The following ZNF385D variants were observed in gnomAD, a reference collection of about 807,000 sequenced individuals.
ZNF385D encodes zinc finger protein 385D, also known as zinc finger protein 659.
Under a neutral mutation model 35.8 loss-of-function variants are expected in ZNF385D, and 15 were observed. The observed-to-expected ratio is 0.42, with a 90% CI of 0.28 to 0.64. The LOEUF (loss-of-function observed/expected upper bound fraction) is 0.64, where lower values mean the gene tolerates loss of function less well. ZNF385D is among the 30% of genes least tolerant of loss of function. The pLI, the probability that ZNF385D is intolerant of heterozygous loss-of-function variation, is 0.23. For synonymous variants in ZNF385D, 212 were observed against 186.8 expected, an observed-to-expected ratio of 1.13 and a Z score of -1.10; for missense variants, 474 against 494.6, an observed-to-expected ratio of 0.96 and a Z score of 0.39.
chr3:21,768,810 C>A (rs1004547872), intron 3 of ZNF385D, among the ~76,000 whole-genome samples: 7 of 151,902 alleles, frequency 4.6e-5, no homozygotes, highest in African/African-American at 1.7e-4. Flanking sequence ...GACGAACGCC[C>A]CATCCCCAGT....
intron 2 of ZNF385D, among the ~76,000 whole-genome samples, chr3:22,266,901 G>T (rs749536622): frequency 7.9e-5 from 12 of 151,830 alleles, no homozygotes; most frequent in Non-Finnish European, 1.5e-4. Flanking sequence ...CATTCATAAA[G>T]CCAAGGAAAA....
rs1437309879 is a variant in ZNF385D, at chr3:21,988,700, G to C, written c.325+180117C>G. Reference sequence around the variant, plus strand: ...CTTGAGCTGTGGTGGGCTCCACCCAGTTGGAGCTTCCTGGCTGCTTTGTTT... The same window carrying C: ...CTTGAGCTGTGGTGGGCTCCACCCACTTGGAGCTTCCTGGCTGCTTTGTTT... On this transcript the variant is annotated intron_variant, in intron 3 of 5. Coordinates refer to the ZNF385D transcript ENST00000494108. Among the ~76,000 whole-genome samples the C allele has an allele frequency of 1.5e-4, 23 of 151,668 alleles. 1 individual carries two copies. The highest frequency in any genetic ancestry group is 4.6e-4 in the African/African-American group (19 of 41,516).
intron 2 of ZNF385D, among the ~76,000 whole-genome samples, chr3:22,177,430 A>G (rs577275412): frequency 1.3e-5 from 2 of 152,316 alleles, no homozygotes; most frequent in South Asian, 2.1e-4. Context: ...CCTACAAGTT[A>G]TTAAAAAGTC....
chr3:21,899,719 T>A (rs1183654079), intron 3 of ZNF385D, among the ~76,000 whole-genome samples: 1 of 152,182 alleles, frequency 6.6e-6, no homozygotes, highest in Non-Finnish European at 1.5e-5. Flanking sequence ...GGTGCCTTTA[T>A]GTTTGCTTTA....
In ZNF385D at chr3:21,975,702, A is replaced by AATATATATATAT. The variant is rs56303677; in HGVS notation, c.325+193103_325+193114dup. On this transcript the variant is annotated intron_variant, in intron 3 of 5. Transcript: ENST00000494108. ...ATATATACCTATTATGTACCCACGA[A>AATATATATATAT]ATATATATATATATATATATATATA... Among the ~76,000 whole-genome samples the AATATATATATAT allele has an allele frequency of 7.8e-4, 97 of 123,982 alleles. 1 individual carries two copies. The highest frequency in any genetic ancestry group is 1.3e-3 in the Non-Finnish European group (76 of 59,780). 81.3% of individuals were successfully genotyped at this position (123,982 alleles called of 152,430 possible). A position where few individuals can be genotyped will look rare whatever the true frequency, so the allele number is the denominator to read the frequency against.
At chr3:22,109,825 A>G (rs952497256) in intron 3 of ZNF385D, among the ~76,000 whole-genome samples, 1 of 152,218 alleles carries the variant, frequency 6.6e-6, no homozygotes. Context: ...AGAAACTGCC[A>G]TCAGAGTGAA....
chr3:22,201,444 G>A lies in ZNF385D; in HGVS notation c.107-32409C>T, dbSNP rs1025554540. On this transcript the variant is annotated intron_variant, in intron 2 of 5. Transcript: ENST00000494108. ...AATATGTTTACATATACATGTAGAA[G>A]AAAGCTCTAAGTCTTTTATACGTCG... Among the ~76,000 whole-genome samples, 7 of 152,218 alleles carry A rather than the reference G, an allele frequency of 4.6e-5. No homozygotes were observed. The East Asian group carries it at 1.4e-3, about 29-fold the overall frequency.
At chr3:21,577,741 T>G (rs781095228) in intron 2 of ZNF385D, among the ~76,000 whole-genome samples, 1 of 152,144 alleles carries the variant, frequency 6.6e-6, no homozygotes, top group Non-Finnish European at 1.5e-5. Flanking sequence ...TGGCTTTGAT[T>G]TGCATTTCGT....
intron 1 of ZNF385D, among the ~76,000 whole-genome samples, chr3:21,668,689 A>G (rs538908535): frequency 5.9e-5 from 9 of 152,220 alleles, no homozygotes; most frequent in Non-Finnish European, 8.8e-5. Context: ...TAGTCCTAAA[A>G]TATTTTACTT....
intron 3 of ZNF385D, among the ~76,000 whole-genome samples, chr3:21,814,172 C>T (rs1049007308): frequency 6.6e-6 from 1 of 152,166 alleles, no homozygotes; most frequent in African/African-American, 2.4e-5. Context: ...CACCAACAGG[C>T]CTGTCTTGCA....
chr3:22,371,762 G>A (rs1696916867), intron 2 of ZNF385D, among the ~76,000 whole-genome samples: 1 of 152,138 alleles, frequency 6.6e-6, no homozygotes, highest in Non-Finnish European at 1.5e-5. Context: ...GCACTAGCTG[G>A]CCAAGAAGAC....
chr3:22,268,705 A>G (rs1403125726), intron 2 of ZNF385D, among the ~76,000 whole-genome samples: 2 of 152,228 alleles, frequency 1.3e-5, no homozygotes, highest in African/African-American at 4.8e-5. Flanking sequence ...TTAATCTATC[A>G]AAAAGCTATT....
At chr3:21,456,735 T>TA (rs1360750203) in intron 4 of ZNF385D, among the ~76,000 whole-genome samples, 1 of 126,774 alleles carries the variant, frequency 7.9e-6, no homozygotes, top group Non-Finnish European at 1.6e-5. Flanking sequence ...TAAAGTATAA[T>TA]AAAAAATAAA....
intron 1 of ZNF385D, among the ~76,000 whole-genome samples, chr3:21,745,905 G>A (rs1326227590): frequency 6.6e-6 from 1 of 152,110 alleles, no homozygotes; most frequent in Non-Finnish European, 1.5e-5. Context: ...AGCCAGCTGT[G>A]CTTAAAAAGT....
At chr3:22,194,894 C>T (rs1696305138) in intron 2 of ZNF385D, among the ~76,000 whole-genome samples, 1 of 151,820 alleles carries the variant, frequency 6.6e-6, no homozygotes, top group South Asian at 2.1e-4. Flanking sequence ...TTCATTCACC[C>T]CTTGAAGGAC....
At position 21,646,819 on chromosome 3, in the gene ZNF385D, A is replaced by G. The variant is rs947387002; in HGVS notation, c.165+18067T>C. Among the ~76,000 whole-genome samples, 4 of 152,166 alleles carry G rather than the reference A, an allele frequency of 2.6e-5. No homozygotes were observed. Among genetic ancestry groups the G allele is most frequent in the Admixed American group, 2.6e-4 (4 of 15,266 alleles). On this transcript the variant is annotated intron_variant, in intron 2 of 7. Coordinates refer to ENST00000281523, the MANE Select transcript of ZNF385D (RefSeq NM_024697.3). This position sits in a 1 kb window ranked among gnomAD's most constrained non-coding sequence, Gnocchi z 4.3. ...TACATTCGGTCACAAATAGAAAGCA[A>G]TGTTAAGTCCTGGGTTGCTACCTGT...
At chr3:22,213,989 C>T (rs1008181036) in intron 2 of ZNF385D, among the ~76,000 whole-genome samples, 3 of 151,952 alleles carry the variant, frequency 2.0e-5, no homozygotes, top group East Asian at 3.9e-4. Context: ...ACATGGGGTA[C>T]ATTTGCCATA....
rs57448532 is a variant in ZNF385D, at chr3:22,143,059, T to TTGTGTGTGTG, written c.325+25748_325+25757dup. Among the ~76,000 whole-genome samples, 1,227 of 140,936 alleles carry TTGTGTGTGTG rather than the reference T, an allele frequency of 8.7e-3. 21 individuals are homozygous for TTGTGTGTGTG. The highest frequency in any genetic ancestry group is 0.025 in the African/African-American group (907 of 36,800). 92.5% of individuals were successfully genotyped at this position (140,936 alleles called of 152,430 possible). ...CATTTGATATATTCTATTAAATCGG[T>TTGTGTGTGTG]TGTGTGTGTGTGTGTGTGTGTGTGT... On this transcript the variant is annotated intron_variant, in intron 3 of 5. Transcript: ENST00000494108.
intron 3 of ZNF385D, among the ~76,000 whole-genome samples, chr3:21,936,699 AGATGAATAAATAAAT>A (rs1701277182): frequency 1.3e-5 from 2 of 152,166 alleles, no homozygotes; most frequent in Admixed American, 6.6e-5. Flanking sequence ...TTAGAGCTCA[AGATGAATAAATAAAT>A]GATTCAAGTT....
Sources: allele counts gnomAD v4.1 joint callset (sites outside exome capture counted in the v4.1 genomes callset), GRCh38; gene constraint gnomAD v4.1.1; non-coding constraint Gnocchi (gnomAD v3.1); transcripts MANE v1.5; gene names NCBI Gene and HGNC (gene_info 2026-07-23, HGNC 2026-07-21).